WDR93: variants seen among roughly 807,000 people sequenced by gnomAD.
WDR93 encodes WD repeat domain 93, also known as WD repeat-containing protein 93.
Under a neutral mutation model 82.9 loss-of-function variants are expected in WDR93, and 73 were observed. The observed-to-expected ratio is 0.88, with a 90% CI of 0.73 to 1.07. The LOEUF (loss-of-function observed/expected upper bound fraction) is 1.07, where lower values mean the gene tolerates loss of function less well. Among genes scored for constraint, WDR93 ranks in the 50% least tolerant of loss-of-function variants. The pLI, the probability that WDR93 is intolerant of heterozygous loss-of-function variation, is 0.00. For synonymous variants in WDR93, 283 were observed against 300.1 expected, an observed-to-expected ratio of 0.94 and a Z score of 0.59; for missense variants, 738 against 826.0, an observed-to-expected ratio of 0.89 and a Z score of 1.31.
intron 4 of WDR93, among the ~76,000 whole-genome samples, chr15:89,708,245 A>T (rs1965809458): frequency 6.6e-6 from 1 of 152,226 alleles, no homozygotes; most frequent in South Asian, 2.1e-4. Flanking sequence ...TACACTTCAA[A>T]CATGCTATTA....
chr15:89,717,721 G>A (rs1410025828), intron 7 of WDR93, among the ~76,000 whole-genome samples: 1 of 152,174 alleles, frequency 6.6e-6, no homozygotes, highest in Admixed American at 6.5e-5. Context: ...CTCCATATTA[G>A]ATGGAATTAC....
At chr15:89,700,850 C>G (rs1028045895) in intron 1 of WDR93, among the ~76,000 whole-genome samples, 5 of 152,128 alleles carry the variant, frequency 3.3e-5, no homozygotes, top group Admixed American at 3.3e-4. Context: ...AACCACCCCA[C>G]AGGCCCTACA....
rs768718962 is a variant in WDR93 at position 89,715,018 on chromosome 15, A to G, written c.679A>G (p.Lys227Glu). Residue 227 changes from lysine to glutamate, a missense_variant, in exon 6 of 17, where the codon AAG becomes GAG. By Grantham distance (56) the Lys-to-Glu change is moderately conservative (BLOSUM62 1). Coordinates refer to ENST00000268130, the MANE Select transcript of WDR93 (RefSeq NM_020212.2). ...TTGGCTGGATGTGTATAAATTGCCCAAGGAGACTTGGCTCAAGAAACTAGA... is the reference window on the plus strand; with the variant it reads ...TTGGCTGGATGTGTATAAATTGCCCGAGGAGACTTGGCTCAAGAAACTAGA... ...DIWLDVYKLPKETWLKKLEHP... is the reference protein window; with the variant it reads ...DIWLDVYKLPEETWLKKLEHP... The G allele has an allele frequency of 1.9e-5, 30 of 1,613,948 alleles. No homozygotes were observed. Among genetic ancestry groups the G allele is most frequent in the Non-Finnish European group, 2.4e-5 (28 of 1,179,974 alleles).
At chr15:89,719,890 TC>T (rs1284609157) in intron 7 of WDR93, among the ~76,000 whole-genome samples, 1 of 152,086 alleles carries the variant, frequency 6.6e-6, no homozygotes, top group Non-Finnish European at 1.5e-5. Flanking sequence ...AACCTCCGTC[TC>T]CCAGGTTCAA....
At chr15:89,706,782 C>A (rs1327250244) in intron 4 of WDR93, among the ~76,000 whole-genome samples, 2 of 152,072 alleles carry the variant, frequency 1.3e-5, no homozygotes, top group Non-Finnish European at 2.9e-5. Context: ...TCATTCCTCA[C>A]ACCATATACA....
chr15:89,729,819 T>A, intron 11 of WDR93, 50 bp downstream of exon 11: 1 of 1,453,068 alleles, frequency 6.9e-7, no homozygotes, highest in Non-Finnish European at 9.6e-7. Context: ...CTTGCAGACA[T>A]GTCCTTCTCC....
In WDR93 at chr15:89,698,416, C is replaced by T. The variant is rs1346691786; in HGVS notation, c.-40-3291C>T. On this transcript the variant is annotated intron_variant, in intron 1 of 16. Coordinates refer to ENST00000268130, the MANE Select transcript of WDR93 (RefSeq NM_020212.2). ...TATTCTGACAACTTCTATCATTTGA[C>T]TGGAGTGTTTACATTTGATGTGATT... is the stretch of plus-strand genomic sequence containing the variant. Among the ~76,000 whole-genome samples, 6 of 152,150 alleles carry T rather than the reference C, an allele frequency of 3.9e-5. No individual in the cohort carries two copies. In the East Asian group the frequency reaches 1.2e-3, roughly 29 times the overall value.
rs1011435458 is a variant in WDR93 at position 89,735,453 on chromosome 15, A to G, written c.1545-37A>G. The G allele has an allele frequency of 2.5e-6, 4 of 1,605,348 alleles. No individual in the cohort carries two copies. The Admixed American group carries it at 6.7e-5, about 27-fold the overall frequency. On this transcript the variant is annotated intron_variant, in intron 13 of 16. Coordinates refer to ENST00000268130, the MANE Select transcript of WDR93 (RefSeq NM_020212.2). ...AGGATATCAAAACTTTTAAACTCTT[A>G]AAGTAGGAGAATGTCTGTATATTTT...
At chr15:89,691,009 T>C (rs1404872836) in intron 1 of WDR93, among the ~76,000 whole-genome samples, 152 bp downstream of exon 1, 1 of 152,084 alleles carries the variant, frequency 6.6e-6, no homozygotes, top group Admixed American at 6.5e-5. Context: ...CCCGCAGATC[T>C]CAGGTTCTCA....
chr15:89,691,840 A>G (rs1964904616), intron 1 of WDR93, among the ~76,000 whole-genome samples: 1 of 152,230 alleles, frequency 6.6e-6, no homozygotes, highest in Non-Finnish European at 1.5e-5. Context: ...AGCACACCGT[A>G]TGTTTAAATA....
chr15:89,725,570 C>CTTT (rs58934154), intron 8 of WDR93, among the ~76,000 whole-genome samples: 197 of 141,464 alleles, frequency 1.4e-3, no homozygotes, highest in Middle Eastern at 3.6e-3. Flanking sequence ...TTTTTCTTTT[C>CTTT]TTTTTTTTTT....
rs1965486693 is a variant in WDR93, at chr15:89,701,938, G to A, written c.192G>A (p.Val64=). ...PQPYRMINKL[V]NLLFDQSWEI... is the part of the protein sequence containing the mutation. ...CTTATCGAATGATCAACAAGCTGGTGAACCTTCTGTTTGACCAGTCTTGGG... is the reference window on the plus strand; with the variant it reads ...CTTATCGAATGATCAACAAGCTGGTAAACCTTCTGTTTGACCAGTCTTGGG... The change falls in exon 2 of 17, where the codon GTG becomes GTA. Residue 64 remains valine, a synonymous_variant. Coordinates refer to ENST00000268130, the MANE Select transcript of WDR93 (RefSeq NM_020212.2). 1.2e-6 allele frequency: 2 copies of A among 1,614,176 alleles called. No homozygotes were observed. Among genetic ancestry groups the A allele is most frequent in the Non-Finnish European group, 8.5e-7 (1 of 1,180,036 alleles).
chr15:89,714,402 C>A (rs752339370), intron 5 of WDR93: 2 of 152,382 alleles, frequency 1.3e-5, no homozygotes, highest in Non-Finnish European at 2.9e-5. Flanking sequence ...CGGCTCACTG[C>A]AACCTCCACC....
In WDR93 at chr15:89,699,746, C is replaced by T. The variant is rs144200127; in HGVS notation, c.-40-1961C>T. Among the ~76,000 whole-genome samples, 65 of 152,190 alleles carry T rather than the reference C, an allele frequency of 4.3e-4. No individual in the cohort carries two copies. In the East Asian group the frequency reaches 0.012, roughly 29 times the overall value. On this transcript the variant is annotated intron_variant, in intron 1 of 16. Coordinates refer to ENST00000268130, the MANE Select transcript of WDR93 (RefSeq NM_020212.2). ...TTTCCTCTGAAATCTTCATGTTAATCTAATCTGATGTATTTTTCATCTCAG... is the reference window on the plus strand; with the variant it reads ...TTTCCTCTGAAATCTTCATGTTAATTTAATCTGATGTATTTTTCATCTCAG...
In WDR93 at chr15:89,703,095, C is replaced by T. The variant is rs1409508284; in HGVS notation, c.449C>T (p.Ala150Val). ...KLKVDVTSIW[A>V]TDLGNEILIA... ...AAGGTTGATGTCACTTCCATCTGGG[C>T]CACAGATTTAGGGAATGAAATACTC... Residue 150 changes from alanine (A) to valine (V), a missense_variant, in exon 3 of 17, where the codon GCC (alanine) becomes GTC (valine). Physicochemically the swap from Ala to Val is moderately conservative, Grantham distance 64 (BLOSUM62 0). Transcript: ENST00000268130. 8 of 1,613,978 alleles carry T rather than the reference C, an allele frequency of 5.0e-6. No individual in the cohort carries two copies. The highest frequency in any genetic ancestry group is 6.8e-6 in the Non-Finnish European group (8 of 1,180,014).
chr15:89,713,272 T>C (rs1382332529), intron 5 of WDR93, among the ~76,000 whole-genome samples: 1 of 152,190 alleles, frequency 6.6e-6, no homozygotes, highest in African/African-American at 2.4e-5. Flanking sequence ...TTCTCTTTAA[T>C]GTTTTACCCA....
chr15:89,742,269 T>C (rs1967739586), intron 16 of WDR93, among the ~76,000 whole-genome samples: 1 of 152,074 alleles, frequency 6.6e-6, no homozygotes, highest in African/African-American at 2.4e-5. Context: ...TTAATTAAAA[T>C]CTTATCTCCA....
chr15:89,714,829 G>T, intron 5 of WDR93, 151 bp from the exon 6 acceptor site: 1 of 619,926 alleles, frequency 1.6e-6, no homozygotes. Context: ...AACCATTGCA[G>T]AACTACTTCT....
At chr15:89,724,620 G>C (rs1174406370) in intron 8 of WDR93, among the ~76,000 whole-genome samples, 5 of 152,144 alleles carry the variant, frequency 3.3e-5, no homozygotes, top group African/African-American at 1.2e-4. Context: ...TTAAGAAAAA[G>C]AGGGAGAATC....
Sources: gnomAD v4.1 joint callset for allele counts (sites outside exome capture counted in the v4.1 genomes callset) on GRCh38, gnomAD v4.1.1 for gene constraint, MANE v1.5 for transcripts, NCBI Gene and HGNC (gene_info 2026-07-23, HGNC 2026-07-21) for gene names.